The following TUT4 variants were observed in gnomAD, a reference collection of about 807,000 sequenced individuals.
TUT4 encodes terminal uridylyltransferase 4.
Under a neutral mutation model 192.2 loss-of-function variants are expected in TUT4, and 36 were observed. That is an observed-to-expected ratio of 0.19 (90% CI 0.14 to 0.25). The LOEUF (loss-of-function observed/expected upper bound fraction) is 0.25, where lower values mean the gene tolerates loss of function less well. Among genes scored for constraint, TUT4 ranks in the 10% least tolerant of loss-of-function variants. TUT4 has a pLI of 1.00. For synonymous variants in TUT4, 618 were observed against 666.0 expected (o/e 0.93, Z 1.11); for missense variants, 1,493 against 1,957.2 (o/e 0.76, Z 4.47).
chr1:52,442,611 A>ACG (rs200620547), intron 24 of TUT4, among the ~76,000 whole-genome samples: 4 of 151,672 alleles, frequency 2.6e-5, no homozygotes, highest in African/African-American at 7.3e-5. Context: ...TGCTCCACAT[A>ACG]AGCATTTCAT....
intron 1 of TUT4, among the ~76,000 whole-genome samples, chr1:52,537,865 C>A (rs1395576169): frequency 6.6e-6 from 1 of 151,940 alleles, no homozygotes; most frequent in Non-Finnish European, 1.5e-5. Flanking sequence ...GAGCTGAGAT[C>A]GGGCCACTGC....
chr1:52,537,796 C>G (rs1010017823), intron 1 of TUT4, among the ~76,000 whole-genome samples: 1 of 151,982 alleles, frequency 6.6e-6, no homozygotes, highest in Non-Finnish European at 1.5e-5. Flanking sequence ...GCCTGTAATC[C>G]CAGCTACTCA....
chr1:52,490,427 T>C (rs1164435483), intron 8 of TUT4, among the ~76,000 whole-genome samples: 1 of 151,980 alleles, frequency 6.6e-6, no homozygotes, highest in Non-Finnish European at 1.5e-5. Context: ...TTTATGTCTG[T>C]ATCCATAGAG....
chr1:52,460,007 T>G (rs1040989303), intron 19 of TUT4, among the ~76,000 whole-genome samples: 5 of 152,166 alleles, frequency 3.3e-5, no homozygotes, highest in Non-Finnish European at 7.4e-5. Flanking sequence ...TTAGCTTATA[T>G]CTATATTTAA....
chr1:52,519,133 A>G (rs901053139), intron 2 of TUT4, among the ~76,000 whole-genome samples: 4 of 152,226 alleles, frequency 2.6e-5, no homozygotes, highest in South Asian at 2.1e-4. Context: ...AATATCCATC[A>G]ACTGATGAAT....
At chr1:52,509,250 C>T (rs1451278050) in intron 4 of TUT4, among the ~76,000 whole-genome samples, 1 of 152,182 alleles carries the variant, frequency 6.6e-6, no homozygotes, top group Admixed American at 6.5e-5. Context: ...AACGCATGCC[C>T]TCATCAATTC....
chr1:52,507,765 A>T (rs1368700665), intron 4 of TUT4, among the ~76,000 whole-genome samples: 1 of 152,162 alleles, frequency 6.6e-6, no homozygotes, highest in Non-Finnish European at 1.5e-5. Flanking sequence ...GGTCCCAAGC[A>T]TTTAGGATAA....
intron 9 of TUT4, among the ~76,000 whole-genome samples, chr1:52,485,393 CAT>C (rs1231816346): frequency 2.6e-5 from 4 of 152,102 alleles, no homozygotes; most frequent in Non-Finnish European, 5.9e-5. Context: ...GGTGTACAAT[CAT>C]ATCATTCGCA....
Position 52,425,286 on chromosome 1 carries a change from A to G in TUT4, c.4870+63T>C, listed in dbSNP as rs1248706876. The G allele has an allele frequency of 1.9e-6, 3 of 1,541,774 alleles. No homozygotes were observed. In the African/African-American group the frequency reaches 4.1e-5, roughly 21 times the overall value. On this transcript the variant is annotated intron_variant, in intron 29 of 29. Coordinates refer to ENST00000257177, the MANE Select transcript of TUT4 (RefSeq NM_001009881.3). The stretch of plus-strand genomic sequence containing the variant: ...TCACTCCCAGATCCTGGCCTTCACT[A>G]AGGCTCTCTATCCCAGAATAAAACC...
At chr1:52,550,531 C>T (rs1444831543) in intron 1 of TUT4, among the ~76,000 whole-genome samples, 1 of 127,358 alleles carries the variant, frequency 7.9e-6, no homozygotes, top group Non-Finnish European at 1.6e-5. Flanking sequence ...AAGACAGGGT[C>T]TTACTCTGTC....
intron 20 of TUT4, among the ~76,000 whole-genome samples, chr1:52,456,583 G>A (rs1661052506): frequency 6.6e-6 from 1 of 151,402 alleles, no homozygotes; most frequent in Non-Finnish European, 1.5e-5. Context: ...AGTGATGGAA[G>A]TCAATCTGAA....
intron 15 of TUT4, among the ~76,000 whole-genome samples, chr1:52,465,648 A>G (rs1663903271): frequency 6.6e-6 from 1 of 152,232 alleles, no homozygotes; most frequent in Non-Finnish European, 1.5e-5. Context: ...GTTAAGATCA[A>G]TATTTGAGGA....
At chr1:52,441,443 A>T (rs1655515381) in intron 24 of TUT4, among the ~76,000 whole-genome samples, 1 of 135,402 alleles carries the variant, frequency 7.4e-6, no homozygotes, top group African/African-American at 3.3e-5. Context: ...CTCTCGGCTA[A>T]ATTTTTTTTT....
chr1:52,506,698 A>G (rs1675680973), intron 4 of TUT4, among the ~76,000 whole-genome samples: 1 of 152,156 alleles, frequency 6.6e-6, no homozygotes, highest in Non-Finnish European at 1.5e-5. Flanking sequence ...TCATCTCTGA[A>G]ACATCAAGAA....
chr1:52,473,372 A>T (rs1027231481), intron 13 of TUT4, among the ~76,000 whole-genome samples: 1 of 152,168 alleles, frequency 6.6e-6, no homozygotes, highest in Non-Finnish European at 1.5e-5. Flanking sequence ...TGTACAGATT[A>T]ATAATACTGT....
chr1:52,538,914 C>A (rs528214801), intron 1 of TUT4, among the ~76,000 whole-genome samples: 1 of 152,124 alleles, frequency 6.6e-6, no homozygotes, highest in Non-Finnish European at 1.5e-5. Context: ...GTAATCCCAA[C>A]ACTTTAGGGC....
intron 1 of TUT4, among the ~76,000 whole-genome samples, chr1:52,547,868 G>A (rs565205239): frequency 6.6e-6 from 1 of 152,268 alleles, no homozygotes; most frequent in East Asian, 1.9e-4. Flanking sequence ...AATGGGGAGT[G>A]ATTGTTAATG....
At chr1:52,537,936 A>T (rs1685392515) in intron 1 of TUT4, among the ~76,000 whole-genome samples, 1 of 147,556 alleles carries the variant, frequency 6.8e-6, no homozygotes. Flanking sequence ...ATAAATAAAC[A>T]AACAAACTAA....
At chr1:52,447,889 C>T (rs1009927061) in intron 20 of TUT4, among the ~76,000 whole-genome samples, 4 of 152,208 alleles carry the variant, frequency 2.6e-5, no homozygotes, top group African/African-American at 4.8e-5. Context: ...TACCCTCTAC[C>T]GTGACTAATG....
Sources: gnomAD v4.1 joint callset for allele counts (sites outside exome capture counted in the v4.1 genomes callset) on GRCh38, gnomAD v4.1.1 for gene constraint, MANE v1.5 for transcripts, NCBI Gene and HGNC (gene_info 2026-07-23, HGNC 2026-07-21) for gene names.